The following SPEG variants were observed in gnomAD, a reference collection of about 807,000 sequenced individuals.
SPEG encodes the protein striated muscle enriched protein kinase.
SPEG carries 114 observed loss-of-function variants against 300.4 expected under a neutral mutation model. The observed-to-expected ratio is 0.38, with a 90% CI of 0.33 to 0.44. The LOEUF is 0.44. Ranked by LOEUF, SPEG falls within the 20% of genes least tolerant of loss-of-function variation. SPEG has a pLI of 1.00. For missense variants in SPEG, 4,201 were observed against 4,586.2 expected, an observed-to-expected ratio of 0.92 and a Z score of 2.43; for synonymous variants, 1,964 against 2,018.9, an observed-to-expected ratio of 0.97 and a Z score of 0.73.
rs1168504742 is a variant in SPEG at position 219,481,727 on chromosome 2, G to T, written c.5565+47G>T. On this transcript the variant is annotated intron_variant, in intron 28 of 40. Coordinates refer to ENST00000312358, the MANE Select transcript of SPEG (RefSeq NM_005876.5). The surrounding 1 kb of genome is among the most constrained non-coding windows in gnomAD (Gnocchi z 5.4). ...GTGGCACAAAAGGTGGAGGGAGAGA[G>T]AATGTTACTAACAGCTCTATTTATT... 1.3e-6 allele frequency: 2 copies of T among 1,553,712 alleles called. No individual in the cohort carries two copies. Among genetic ancestry groups the T allele is most frequent in the East Asian group, 4.5e-5 (2 of 44,590 alleles).
At chr2:219,465,956 T>C (rs1212389789) in intron 9 of SPEG, 6 of 975,552 alleles carry the variant, frequency 6.2e-6, no homozygotes, top group Admixed American at 2.0e-5. Flanking sequence ...CGTGCATGTG[T>C]GCGTGTGCAT....
chr2:219,463,919 C>T (rs116034794), intron 8 of SPEG, among the ~76,000 whole-genome samples: 6,718 of 152,006 alleles, frequency 0.044, 487 homozygotes, highest in African/African-American at 0.15. Flanking sequence ...CCCAGAAGTT[C>T]AAGACCAGCG....
rs769317364 is a variant in SPEG at position 219,489,837 on chromosome 2, G to A, written c.8819G>A (p.Ser2940Asn). The A allele has an allele frequency of 6.2e-7, 1 of 1,613,416 alleles. No individual in the cohort carries two copies. The highest frequency in any genetic ancestry group is 1.7e-5 in the Admixed American group (1 of 60,008). ...QSLSPAKEVV[S>N]SPGSSPRSSP... ...CTCAGCCCGGCCAAGGAGGTGGTCA[G>A]CTCCCCTGGGAGCAGTCCCCGAAGC... The change falls in exon 36 of 41, where the codon AGC (serine) becomes AAC (asparagine). Residue 2940 changes from serine to asparagine, a missense_variant. This residue lies in a region of SPEG where 1,578 missense variants were observed against 1,506.0 expected (regional missense o/e 1.05). Coordinates refer to ENST00000312358, the MANE Select transcript of SPEG (RefSeq NM_005876.5).
Position 219,445,227 on chromosome 2 carries a change from C to A in SPEG, c.815+66C>A. ...ACCACGCTGTCCTGCGCTGCCCTCA[C>A]TGCTCAGTCAGCCTCCACCCATCAC... On this transcript the variant is annotated intron_variant, in intron 3 of 40. Coordinates refer to ENST00000312358, the MANE Select transcript of SPEG (RefSeq NM_005876.5). This position sits in a 1 kb window ranked among gnomAD's most constrained non-coding sequence, Gnocchi z 6.1. 1 of 1,427,798 alleles carries A rather than the reference C, an allele frequency of 7.0e-7. No individual in the cohort carries two copies. Among genetic ancestry groups the A allele is most frequent in the Non-Finnish European group, 9.6e-7 (1 of 1,036,800 alleles). 88.4% of individuals were successfully genotyped at this position (1,427,798 alleles called of 1,614,324 possible).
chr2:219,493,122 C>G lies in SPEG; in HGVS notation c.*336C>G. On this transcript the variant is annotated 3_prime_UTR_variant, in exon 41 of 41. Coordinates refer to ENST00000312358, the MANE Select transcript of SPEG (RefSeq NM_005876.5). ...TCTAGGAAGGTTCTGGGTTGGGGGT[C>G]AGTGCATCTCAGGGAGAACCAAGGA... is the stretch of plus-strand genomic sequence containing the variant. 1.9e-6 allele frequency: 1 copy of G among 531,350 alleles called. No homozygotes were observed. The highest frequency in any genetic ancestry group is 1.7e-5 in the South Asian group (1 of 58,338). The allele number at this position is 531,350 out of a possible 1,614,324, so 32.9% of individuals were successfully genotyped here. A position where few individuals can be genotyped will look rare whatever the true frequency, so the allele number is the denominator to read the frequency against.
chr2:219,448,047 C>T lies in SPEG; in HGVS notation c.889C>T (p.Arg297Cys). Residue 297 changes from arginine (R) to cysteine (C), a missense_variant, in exon 4 of 41, where the codon CGC becomes TGC. Arg to Cys is a radical substitution (Grantham distance 180). This residue lies in a region of SPEG where 1,258 missense variants were observed against 1,293.9 expected (regional missense o/e 0.97). Coordinates refer to ENST00000312358, the MANE Select transcript of SPEG (RefSeq NM_005876.5). ...QPQLASEAPR[R>C]PAQPPPSKSA... ...TCAACTGGCCAGCGAAGCCCCACGC[C>T]GCCCTGCCCAGCCGCCTCCTTCCAA... is the stretch of plus-strand genomic sequence containing the variant. 3 of 1,611,794 alleles carry T rather than the reference C, an allele frequency of 1.9e-6. No homozygotes were observed. The highest frequency in any genetic ancestry group is 1.7e-6 in the Non-Finnish European group (2 of 1,179,696).
Position 219,439,353 on chromosome 2 carries a change from G to A in SPEG, c.388+3988G>A, listed in dbSNP as rs1954800466. 2.0e-5 allele frequency among the ~76,000 whole-genome samples: 3 copies of A among 152,210 alleles called. No homozygotes were observed. The highest frequency in any genetic ancestry group is 4.2e-4 in the South Asian group (2 of 4,806). ...GGAGACCAAAATTTATGTCCTCCAG[G>A]GGATAACTTTCTAGTGAGGGGAGAC... On this transcript the variant is annotated intron_variant, in intron 1 of 40. Transcript: ENST00000312358. This position sits in a 1 kb window ranked among gnomAD's most constrained non-coding sequence, Gnocchi z 4.5.
rs368697310 is a variant in SPEG at position 219,457,975 on chromosome 2, GC to G, written c.2441-3903del. 2.4e-3 allele frequency among the ~76,000 whole-genome samples: 367 copies of G among 151,934 alleles called. 1 individual carries two copies. The highest frequency in any genetic ancestry group is 8.4e-3 in the African/African-American group (348 of 41,404). ...CATCTCCCGCCTTCTATACTCCCACGCCCCTTACCTGCTGCTCTCTTGCTAC... is the reference window on the plus strand; with the variant it reads ...CATCTCCCGCCTTCTATACTCCCACGCCCTTACCTGCTGCTCTCTTGCTAC... On this transcript the variant is annotated intron_variant, in intron 6 of 40. Transcript: ENST00000312358.
At chr2:219,441,491 T>A in intron 1 of SPEG, 2 of 468,610 alleles carry the variant, frequency 4.3e-6, no homozygotes, top group South Asian at 3.1e-5. Flanking sequence ...CGCTGTGCCC[T>A]TCGGCGAGTT....
intron 10 of SPEG, 62 bp downstream of exon 10, chr2:219,467,496 G>C: frequency 6.5e-7 from 1 of 1,536,738 alleles, no homozygotes; most frequent in Non-Finnish European, 8.8e-7. Flanking sequence ...GAGGGGACTG[G>C]GGGTGTACAG....
chr2:219,478,019 G>A lies in SPEG; in HGVS notation c.4941G>A (p.Arg1647=), dbSNP rs748277533. Residue 1647 remains arginine (R), a synonymous_variant, in exon 22 of 41, where the codon CGG becomes CGA. Transcript: ENST00000312358. ...AGGCATCAGCGCGTCGGGAGGCCCG[G>A]CTGCTGGCCAGGCTCCAGCACGACT... ...KPKASARREA[R]LLARLQHDCV... The A allele has an allele frequency of 6.2e-6, 10 of 1,614,186 alleles. No homozygotes were observed. The South Asian group carries it at 8.8e-5, about 14-fold the overall frequency.
At chr2:219,491,380 C>T (rs1575205516) in intron 38 of SPEG, among the ~76,000 whole-genome samples, 1 of 152,124 alleles carries the variant, frequency 6.6e-6, no homozygotes, top group South Asian at 2.1e-4. Context: ...GAGAGCCAGG[C>T]AGGTTTAGTA....
Position 219,449,035 on chromosome 2 carries a change from C to T in SPEG, c.1877C>T (p.Pro626Leu), listed in dbSNP as rs1260245225. ...ADPPEARTKA[P>L]PGRKREPPAQ... ...CCCCCAGAGGCCAGGACGAAAGCAC[C>T]CCCCGGTCGGAAGCGGGAGCCCCCG... Residue 626 changes from proline to leucine, a missense_variant, in exon 4 of 41, where the codon CCC (proline) becomes CTC (leucine). By Grantham distance (98) the Pro-to-Leu change is moderately conservative. Transcript: ENST00000312358. 13 of 1,519,698 alleles carry T rather than the reference C, an allele frequency of 8.6e-6. No homozygotes were observed. Among genetic ancestry groups the T allele is most frequent in the Non-Finnish European group, 1.1e-5 (13 of 1,133,764 alleles). The allele number at this position is 1,519,698 out of a possible 1,614,324, so 94.1% of individuals were successfully genotyped here. A position where few individuals can be genotyped will look rare whatever the true frequency, so the allele number is the denominator to read the frequency against.
Position 219,483,530 on chromosome 2 carries a change from GC to G in SPEG, c.6069del (p.Pro2025ArgfsTer214). ...GSSAESALPRAGPRELGRGLH... is the reference protein window; with the variant it reads ...GSSAESALPRXGPRELGRGLH... ...CTCGGCTGAGAGCGCCCTGCCCCGGGCCGGGCCGCGGGAGCTGGGCCGGGGC... is the reference window on the plus strand; with the variant it reads ...CTCGGCTGAGAGCGCCCTGCCCCGGGCGGGCCGCGGGAGCTGGGCCGGGGC... On this transcript the variant is annotated frameshift_variant, in exon 30 of 41. Coordinates refer to ENST00000312358, the MANE Select transcript of SPEG (RefSeq NM_005876.5). LOFTEE classifies it high-confidence loss of function. 1 of 1,406,170 alleles carries G rather than the reference GC, an allele frequency of 7.1e-7. No homozygotes were observed. The highest frequency in any genetic ancestry group is 9.2e-7 in the Non-Finnish European group (1 of 1,092,592). The allele number at this position is 1,406,170 out of a possible 1,614,324, so 87.1% of individuals were successfully genotyped here.
rs1415241168 is a variant in SPEG at position 219,444,167 on chromosome 2, G to A, written c.389-486G>A. 7 of 831,714 alleles carry A rather than the reference G, an allele frequency of 8.4e-6. No homozygotes were observed. Among genetic ancestry groups the A allele is most frequent in the Admixed American group, 4.6e-5 (2 of 43,210 alleles). 51.5% of individuals were successfully genotyped at this position (831,714 alleles called of 1,614,324 possible). On this transcript the variant is annotated intron_variant, in intron 1 of 40. Coordinates refer to ENST00000312358, the MANE Select transcript of SPEG (RefSeq NM_005876.5). The surrounding 1 kb of genome is among the most constrained non-coding windows in gnomAD (Gnocchi z 7.8). The stretch of plus-strand genomic sequence containing the variant: ...GCACCCGATGCCTTGCAGCTGGTTT[G>A]GGGTAGAGGACAGGCTGGCCCCGCG...
chr2:219,460,055 G>A (rs1012783495), intron 6 of SPEG, among the ~76,000 whole-genome samples: 1 of 152,234 alleles, frequency 6.6e-6, no homozygotes, highest in African/African-American at 2.4e-5. Flanking sequence ...TCATGATAAG[G>A]GGCCATTTGG....
At chr2:219,438,716 C>G (rs1222927105) in intron 1 of SPEG, among the ~76,000 whole-genome samples, 1 of 152,164 alleles carries the variant, frequency 6.6e-6, no homozygotes, top group Non-Finnish European at 1.5e-5. Flanking sequence ...ATGATGCTCA[C>G]ATGGTGTGTT....
At position 219,471,949 on chromosome 2, in the gene SPEG, T is replaced by C; in HGVS notation, c.3797T>C (p.Leu1266Pro). 1 of 1,613,740 alleles carries C rather than the reference T, an allele frequency of 6.2e-7. No individual in the cohort carries two copies. Among genetic ancestry groups the C allele is most frequent in the South Asian group, 1.1e-5 (1 of 91,086 alleles). The change falls in exon 14 of 41, where the codon CTG (leucine) becomes CCG (proline). Residue 1266 changes from leucine to proline, a missense_variant. Leu to Pro is a moderately conservative substitution (Grantham distance 98). Transcript: ENST00000312358. Reference sequence around the variant, plus strand: ...TACAAGAGCGTCATTGCCAACAAGCTGGGCAAAGCTGCCTGCTATGCCCAC... The same window carrying C: ...TACAAGAGCGTCATTGCCAACAAGCCGGGCAAAGCTGCCTGCTATGCCCAC... ...GVYKSVIANK[L>P]GKAACYAHLY...
Position 219,488,889 on chromosome 2 carries a change from G to T in SPEG, c.8138G>T (p.Arg2713Leu), listed in dbSNP as rs906539466. The T allele has an allele frequency of 1.5e-5, 23 of 1,584,222 alleles. No homozygotes were observed. The highest frequency in any genetic ancestry group is 2.7e-5 in the African/African-American group (2 of 74,354). ...GCACCTTGCACGTATACGCTGGAGCGGCGAGTGGATGGTGAGGATGGGGCA... is the reference window on the plus strand; with the variant it reads ...GCACCTTGCACGTATACGCTGGAGCTGCGAGTGGATGGTGAGGATGGGGCA... The part of the protein sequence containing the change: ...SRAPCTYTLE[R>L]RVDGESVWHP... The change falls in exon 34 of 41, where the codon CGG (arginine) becomes CTG (leucine). Residue 2713 changes from arginine (R) to leucine (L), a missense_variant. Transcript: ENST00000312358.
Sources: gnomAD v4.1 joint callset for allele counts (sites outside exome capture counted in the v4.1 genomes callset) on GRCh38, gnomAD v4.1.1 for gene constraint, gnomAD v4.1.1 regional missense constraint, Gnocchi (gnomAD v3.1) non-coding constraint, MANE v1.5 for transcripts, NCBI Gene and HGNC (gene_info 2026-07-23, HGNC 2026-07-21) for gene names.